Variants in ERC2 observed in about 807,000 individuals in gnomAD.
ERC2 encodes ELKS/RAB6-interacting/CAST family member 2.
ERC2 carries 42 observed loss-of-function variants against 114.8 expected under a neutral mutation model. The observed-to-expected ratio is 0.37, with a 90% CI of 0.29 to 0.47. ERC2 has a LOEUF of 0.47. Ranked by LOEUF, ERC2 falls within the 20% of genes least tolerant of loss-of-function variation. ERC2 has a pLI of 0.99. For synonymous variants in ERC2, 454 were observed against 425.5 expected, an observed-to-expected ratio of 1.07 and a Z score of -0.82; for missense variants, 939 against 1,150.7, an observed-to-expected ratio of 0.82 and a Z score of 2.66.
intron 17 of ERC2, among the ~76,000 whole-genome samples, chr3:55,566,407 C>T (rs1326244174): frequency 4.1e-5 from 6 of 147,878 alleles, no homozygotes; most frequent in African/African-American, 1.3e-4. Context: ...GCTGGTAATT[C>T]TATTTATTTA....
chr3:55,919,147 A>G (rs1310198287), intron 13 of ERC2, among the ~76,000 whole-genome samples: 1 of 152,148 alleles, frequency 6.6e-6, no homozygotes, highest in African/African-American at 2.4e-5. Context: ...GGGTGGCCAA[A>G]GTGGGAGGAT....
At chr3:55,646,069 C>T (rs752046704) in intron 17 of ERC2, among the ~76,000 whole-genome samples, 8 of 152,192 alleles carry the variant, frequency 5.3e-5, no homozygotes, top group East Asian at 3.9e-4. Context: ...AATTTCACAA[C>T]GCCCCCATCC....
chr3:55,633,454 C>G (rs144191692), intron 17 of ERC2, among the ~76,000 whole-genome samples: 1 of 152,108 alleles, frequency 6.6e-6, no homozygotes, highest in Non-Finnish European at 1.5e-5. Flanking sequence ...CCCTTCCCCA[C>G]GAAGGTTCTG....
intron 2 of ERC2, among the ~76,000 whole-genome samples, chr3:56,335,714 CAAT>C (rs1179760907): frequency 6.6e-6 from 1 of 152,060 alleles, no homozygotes; most frequent in Non-Finnish European, 1.5e-5. Context: ...GCCATTTAAA[CAAT>C]AATTAGAAGG....
chr3:55,991,127 C>T (rs2149523574), intron 11 of ERC2, among the ~76,000 whole-genome samples: 1 of 152,250 alleles, frequency 6.6e-6, no homozygotes, highest in East Asian at 1.9e-4. Flanking sequence ...GTCACTGAAG[C>T]CCATGATCTT....
chr3:55,660,017 G>A (rs757271059), intron 17 of ERC2, among the ~76,000 whole-genome samples: 2 of 152,092 alleles, frequency 1.3e-5, no homozygotes, highest in East Asian at 1.9e-4. Flanking sequence ...TGGAGTAATG[G>A]AGCCTGGAAG....
intron 4 of ERC2, among the ~76,000 whole-genome samples, chr3:56,165,364 C>T (rs543342300): frequency 1.3e-5 from 2 of 151,764 alleles, no homozygotes; most frequent in Non-Finnish European, 2.9e-5. Context: ...TACATGTGCA[C>T]AGTGTACACG....
At chr3:55,689,779 A>G (rs539645858) in intron 16 of ERC2, among the ~76,000 whole-genome samples, 1 of 151,566 alleles carries the variant, frequency 6.6e-6, no homozygotes, top group East Asian at 1.9e-4. Flanking sequence ...CCTGGGCAAC[A>G]AGAGCGAGAC....
At chr3:56,351,895 T>A (rs2058567123) in intron 2 of ERC2, among the ~76,000 whole-genome samples, 1 of 152,124 alleles carries the variant, frequency 6.6e-6, no homozygotes, top group Admixed American at 6.5e-5. Context: ...TACAGACACG[T>A]AATAAGTCAA....
At chr3:55,781,266 T>G (rs2069018980) in intron 14 of ERC2, among the ~76,000 whole-genome samples, 1 of 152,142 alleles carries the variant, frequency 6.6e-6, no homozygotes. Flanking sequence ...CAGATCTGCA[T>G]GAGCAACTGA....
At chr3:56,162,132 T>C (rs1387058159) in intron 4 of ERC2, among the ~76,000 whole-genome samples, 1 of 152,226 alleles carries the variant, frequency 6.6e-6, no homozygotes, top group African/African-American at 2.4e-5. Context: ...TCCACATCTA[T>C]TGAGATTATC....
chr3:56,033,020 A>AG, intron 7 of ERC2, among the ~76,000 whole-genome samples: 1 of 121,878 alleles, frequency 8.2e-6, no homozygotes, highest in East Asian at 2.7e-4. Context: ...AGAAAGAAAG[A>AG]AAAAAGAAAC....
chr3:55,700,635 C>T (rs1342913350), intron 15 of ERC2, among the ~76,000 whole-genome samples: 1 of 152,140 alleles, frequency 6.6e-6, no homozygotes, highest in East Asian at 1.9e-4. Flanking sequence ...GCTTCCTTTG[C>T]TTGCAATGCC....
chr3:56,233,871 C>G (rs1280877305), intron 3 of ERC2, among the ~76,000 whole-genome samples: 1 of 152,190 alleles, frequency 6.6e-6, no homozygotes, highest in Non-Finnish European at 1.5e-5. Flanking sequence ...ATCTCCTTCT[C>G]TGACTCCAAC....
At chr3:56,229,867 T>C (rs2050499896) in intron 3 of ERC2, among the ~76,000 whole-genome samples, 1 of 129,878 alleles carries the variant, frequency 7.7e-6, no homozygotes. Context: ...CTAGTCTTTT[T>C]TTTTTTTTTT....
At position 56,257,948 on chromosome 3, in the gene ERC2, C is replaced by G. The variant is rs142273315; in HGVS notation, c.1074+38071G>C. 2.4e-3 allele frequency among the ~76,000 whole-genome samples: 364 copies of G among 152,308 alleles called. 1 individual carries two copies. Among genetic ancestry groups the G allele is most frequent in the African/African-American group, 8.4e-3 (350 of 41,564 alleles). On this transcript the variant is annotated intron_variant, in intron 3 of 17. Coordinates refer to ENST00000288221, the MANE Select transcript of ERC2 (RefSeq NM_015576.3). Reference sequence around the variant, plus strand: ...AGATAATTAGACATATTCAGGGTGACCTTCTCTCTCTTCTGAATGCGTCCC... The same window carrying G: ...AGATAATTAGACATATTCAGGGTGAGCTTCTCTCTCTTCTGAATGCGTCCC...
chr3:55,851,970 C>T (rs1040983608), intron 14 of ERC2, among the ~76,000 whole-genome samples: 1 of 152,170 alleles, frequency 6.6e-6, no homozygotes, highest in South Asian at 2.1e-4. Flanking sequence ...CGCCTGTTAC[C>T]CCAGCACTTT....
At chr3:55,636,163 A>AC (rs2148641370) in intron 17 of ERC2, among the ~76,000 whole-genome samples, 1 of 152,342 alleles carries the variant, frequency 6.6e-6, no homozygotes, top group East Asian at 1.9e-4. Flanking sequence ...GGCATGAGCC[A>AC]CTGCACCCAG....
At chr3:55,986,127 A>C (rs1476651706) in intron 11 of ERC2, 139 bp from the exon 12 acceptor site, 2 of 782,110 alleles carry the variant, frequency 2.6e-6, no homozygotes, top group East Asian at 5.5e-5. Flanking sequence ...GTTTATAACT[A>C]AACGAAGCAA....
Sources: allele counts gnomAD v4.1 joint callset (sites outside exome capture counted in the v4.1 genomes callset), GRCh38; gene constraint gnomAD v4.1.1; transcripts MANE v1.5; gene names NCBI Gene and HGNC (gene_info 2026-07-23, HGNC 2026-07-21).